Variants in AMT observed in about 807,000 individuals in gnomAD.
AMT encodes the protein aminomethyltransferase, mitochondrial.
Under a neutral mutation model 39.5 loss-of-function variants are expected in AMT, and 24 were observed. The observed-to-expected ratio is 0.61, with a 90% CI of 0.44 to 0.86. The LOEUF (loss-of-function observed/expected upper bound fraction) is 0.86, where lower values mean the gene tolerates loss of function less well. AMT is among the 40% of genes least tolerant of loss of function. AMT has a pLI of 0.00. For missense variants in AMT, 501 were observed against 537.0 expected (o/e 0.93, Z 0.66); for synonymous variants, 210 against 212.1 (o/e 0.99, Z 0.09).
chr3:49,418,604 C>T (rs113970998), intron 7 of AMT: 224 of 284,144 alleles, frequency 7.9e-4, no homozygotes, highest in African/African-American at 4.9e-3. Flanking sequence ...CAGGTTCATG[C>T]CATTCTCCTG....
At chr3:49,419,524 A>G in intron 5 of AMT, 119 bp from the exon 6 acceptor site, 1 of 1,530,252 alleles carries the variant, frequency 6.5e-7, no homozygotes, top group Non-Finnish European at 9.0e-7. Context: ...AAGTGGGAGA[A>G]GATGCCCTTG....
rs1575309233 is a variant in AMT at position 49,422,213 on chromosome 3, A to T, written c.149T>A (p.Val50Glu). The change falls in exon 2 of 9, where the codon GTG (valine) becomes GAG (glutamate). Residue 50 changes from valine (V) to glutamate (E), a missense_variant. Transcript: ENST00000273588. ...TGGCAGACTCCAACCCGCAAACGCC[A>T]CCATTTTCCCGCCGTGGGCCAGGTG... is the stretch of plus-strand genomic sequence containing the variant. Reference protein sequence around the residue: ...DFHLAHGGKMVAFAGWSLPVQ... With the variant: ...DFHLAHGGKMEAFAGWSLPVQ... The T allele has an allele frequency of 6.2e-7, 1 of 1,613,802 alleles. No individual in the cohort carries two copies. The highest frequency in any genetic ancestry group is 1.7e-5 in the Admixed American group (1 of 60,000).
At position 49,420,226 on chromosome 3, in the gene AMT, A is replaced by G; in HGVS notation, c.456T>C (p.Asp152=). The G allele has an allele frequency of 1.2e-6, 2 of 1,614,140 alleles. No homozygotes were observed. Among genetic ancestry groups the G allele is most frequent in the African/African-American group, 1.3e-5 (1 of 75,042 alleles). The change falls in exon 4 of 9, where the codon GAT becomes GAC. Residue 152 remains aspartate (D), a synonymous_variant. Coordinates refer to ENST00000273588, the MANE Select transcript of AMT (RefSeq NM_000481.4). ...VVSNAGCWEK[D]LALMQDKVRE... ...GGGGGTATACCTGCATGAGGGCCAA[A>G]TCTTTCTCCCAGCAGCCAGCGTTGG...
chr3:49,418,668 A>AT lies in AMT; in HGVS notation c.877+302dup, dbSNP rs35024166. The AT allele has an allele frequency of 0.27, 82,477 of 309,762 alleles. 8,503 individuals carry two copies. The highest frequency in any genetic ancestry group is 0.3 in the Middle Eastern group (258 of 862). The allele number at this position is 309,762 out of a possible 1,614,324, so 19.2% of individuals were successfully genotyped here. Reference sequence around the variant, plus strand: ...AGGCGCCCGCCACAATGCCCAGCTAATTTTTTTTTTGTATTTTTAGTAGAG... The same window carrying AT: ...AGGCGCCCGCCACAATGCCCAGCTAATTTTTTTTTTTGTATTTTTAGTAGAG... On this transcript the variant is annotated intron_variant, in intron 7 of 8. Coordinates refer to ENST00000273588, the MANE Select transcript of AMT (RefSeq NM_000481.4).
rs1420039400 is a variant in AMT, at chr3:49,417,118, A to G, written c.*422T>C. The G allele has an allele frequency of 2.6e-6, 2 of 771,386 alleles. No individual in the cohort carries two copies. The highest frequency in any genetic ancestry group is 1.7e-5 in the African/African-American group (1 of 58,464). The allele number at this position is 771,386 out of a possible 1,614,324, so 47.8% of individuals were successfully genotyped here. On this transcript the variant is annotated 3_prime_UTR_variant, in exon 9 of 9. Coordinates refer to ENST00000273588, the MANE Select transcript of AMT (RefSeq NM_000481.4). ...GAAAGCAAACTGGAGGGGGTAGCCT[A>G]AGTCCGCACTGCCCATGTTATTACC...
chr3:49,418,877 C>CTACA, intron 7 of AMT, 94 bp downstream of exon 7: 1 of 1,387,050 alleles, frequency 7.2e-7, no homozygotes, highest in Admixed American at 1.7e-5. Context: ...AGGCTTCAGG[C>CTACA]TACATAACCT....
chr3:49,421,415 A>C, intron 3 of AMT, 77 bp downstream of exon 3: 2 of 1,173,264 alleles, frequency 1.7e-6, no homozygotes, highest in Non-Finnish European at 1.3e-6. Flanking sequence ...CTGTGCCCCT[A>C]AGCCTGAGGT....
In AMT at chr3:49,417,460, G is replaced by C. The variant is rs2049017633; in HGVS notation, c.*80C>G. ...CCTCCACCTTAACTGCCCACCCCCA[G>C]TGAGTTCTGCCTCAGCTTCTTGACT... On this transcript the variant is annotated 3_prime_UTR_variant, in exon 9 of 9. Transcript: ENST00000273588. The C allele has an allele frequency of 6.2e-7, 1 of 1,613,724 alleles. No individual in the cohort carries two copies. Among genetic ancestry groups the C allele is most frequent in the African/African-American group, 1.3e-5 (1 of 74,914 alleles).
rs386833682 is a variant in AMT at position 49,420,248 on chromosome 3, T to C, written c.434A>G (p.Asn145Ser). Residue 145 changes from asparagine to serine, a missense_variant, in exon 4 of 9, where the codon AAC (asparagine) becomes AGC (serine). Transcript: ENST00000273588. ...TSEGHLYVVS[N>S]AGCWEKDLAL... Reference sequence around the variant, plus strand: ...CAAATCTTTCTCCCAGCAGCCAGCGTTGGACACCACATACAGGTGGCCCTC... The same window carrying C: ...CAAATCTTTCTCCCAGCAGCCAGCGCTGGACACCACATACAGGTGGCCCTC... The C allele has an allele frequency of 2.7e-5, 44 of 1,614,096 alleles. No individual in the cohort carries two copies. The highest frequency in any genetic ancestry group is 3.6e-5 in the Non-Finnish European group (43 of 1,180,048).
rs2049077607 is a variant in AMT, at chr3:49,420,301, T to C, written c.381A>G (p.Leu127=). 6.2e-7 allele frequency: 1 copy of C among 1,614,098 alleles called. No individual in the cohort carries two copies. The highest frequency in any genetic ancestry group is 1.1e-5 in the South Asian group (1 of 91,086). Residue 127 remains leucine, a synonymous_variant, in exon 4 of 9, where the codon TTA becomes TTG. Transcript: ENST00000273588. Reference sequence around the variant, plus strand: ...AAGTATTGGTTACAATCAAGTCATCTAAGATGCCTCCAGCCTCGTTGGTAA... The same window carrying C: ...AAGTATTGGTTACAATCAAGTCATCCAAGATGCCTCCAGCCTCGTTGGTAA... The part of the protein sequence containing the change: ...SLFTNEAGGI[L]DDLIVTNTSE...
At chr3:49,418,642 C>T in intron 7 of AMT, 1 of 337,664 alleles carries the variant, frequency 3.0e-6, no homozygotes, top group East Asian at 7.6e-5. Context: ...GCTGGGACTA[C>T]AGGCGCCCGC....
rs141306451 is a variant in AMT at position 49,421,629 on chromosome 3, C to G, written c.259-57G>C. On this transcript the variant is annotated intron_variant, in intron 2 of 8. Transcript: ENST00000273588. ...GCAACAGCTACAATCCAAAAGGCTACTAAGCAAGGATGCATCCTCCCTGCC... is the reference window on the plus strand; with the variant it reads ...GCAACAGCTACAATCCAAAAGGCTAGTAAGCAAGGATGCATCCTCCCTGCC... 23 of 1,502,828 alleles carry G rather than the reference C, an allele frequency of 1.5e-5. No homozygotes were observed. The East Asian group carries it at 4.1e-4, about 27-fold the overall frequency. 93.1% of individuals were successfully genotyped at this position (1,502,828 alleles called of 1,614,324 possible).
At position 49,418,961 on chromosome 3, in the gene AMT, C is replaced by T. The variant is rs1292050339; in HGVS notation, c.877+10G>A. The T allele has an allele frequency of 2.5e-6, 4 of 1,613,608 alleles. No homozygotes were observed. The highest frequency in any genetic ancestry group is 1.6e-4 in the Middle Eastern group (1 of 6,078). On this transcript the variant is annotated intron_variant, in intron 7 of 8. Coordinates refer to ENST00000273588, the MANE Select transcript of AMT (RefSeq NM_000481.4). ...CCAGGACCCTATCCTTTAGTGCTGG[C>T]CCAGCTCACCCAGTGTCCAACTGAG...
intron 7 of AMT, 127 bp from the exon 8 acceptor site, chr3:49,418,100 C>G: frequency 1.6e-6 from 2 of 1,239,832 alleles, no homozygotes; most frequent in South Asian, 2.6e-5. Flanking sequence ...ACTCCAGGCT[C>G]TATTCCTCCC....
rs764032357 is a variant in AMT at position 49,422,438 on chromosome 3, C to A, written c.13G>T (p.Val5Leu). The change falls in exon 1 of 9, where the codon GTA becomes TTA. Residue 5 changes from valine (V) to leucine (L), a missense_variant. Physicochemically the swap from Val to Leu is conservative, Grantham distance 32. Transcript: ENST00000273588. Reference protein sequence around the residue: MQRAVSVVARLGFRL... With the variant: MQRALSVVARLGFRL... Reference sequence around the variant, plus strand: ...AAGCCCAGACGGGCCACCACACTTACAGCCCTCTGCATCGTCGCCTGCAAC... The same window carrying A: ...AAGCCCAGACGGGCCACCACACTTAAAGCCCTCTGCATCGTCGCCTGCAAC... The A allele has an allele frequency of 6.2e-6, 10 of 1,613,228 alleles. No individual in the cohort carries two copies. The highest frequency in any genetic ancestry group is 7.6e-6 in the Non-Finnish European group (9 of 1,179,960).
chr3:49,422,105 T>C lies in AMT; in HGVS notation c.257A>G (p.Gln86Arg), dbSNP rs749494017. The C allele has an allele frequency of 2.5e-6, 4 of 1,613,564 alleles. No homozygotes were observed. Among genetic ancestry groups the C allele is most frequent in the Non-Finnish European group, 2.5e-6 (3 of 1,180,032 alleles). Residue 86 changes from glutamine (Q) to arginine (R), a missense_variant and splice_region_variant, in exon 2 of 9, where the codon CAG (glutamine) becomes CGG (arginine). Physicochemically the swap from Gln to Arg is conservative, Grantham distance 43. Coordinates refer to ENST00000273588, the MANE Select transcript of AMT (RefSeq NM_000481.4). Reference protein sequence around the residue: ...CSLFDVSHMLQTKILGSDRVK... With the variant: ...CSLFDVSHMLRTKILGSDRVK... ...GGCCAGTGTGCTCCCCTGGCTCACC[T>C]GCAGCATATGAGACACGTCAAAGAG...
At chr3:49,419,199 C>A (rs372864975) in intron 6 of AMT, 48 bp from the exon 7 acceptor site, 4 of 1,613,628 alleles carry the variant, frequency 2.5e-6, no homozygotes, top group South Asian at 1.1e-5. Flanking sequence ...GTACCACATA[C>A]CCCCAACCCC....
In AMT at chr3:49,417,353, G is replaced by A. The variant is rs2049015762; in HGVS notation, c.*187C>T. 6.3e-7 allele frequency: 1 copy of A among 1,597,022 alleles called. No homozygotes were observed. Among genetic ancestry groups the A allele is most frequent in the Non-Finnish European group, 8.5e-7 (1 of 1,176,252 alleles). ...TGAGCTGGTCCGTCACTCAGAAGCA[G>A]GGTCCTGAAGGAAGCTGGAATGGCA... On this transcript the variant is annotated 3_prime_UTR_variant, in exon 9 of 9. Coordinates refer to ENST00000273588, the MANE Select transcript of AMT (RefSeq NM_000481.4).
At chr3:49,418,494 C>CTTTTGTTTTTTTTT in intron 7 of AMT, 1 of 63,340 alleles carries the variant, frequency 1.6e-5, no homozygotes, top group Non-Finnish European at 2.7e-5. Flanking sequence ...TCTTCAGTTT[C>CTTTTGTTTTTTTTT]TTTTTTTTTT....
Sources: gnomAD v4.1 joint callset for allele counts on GRCh38, gnomAD v4.1.1 for gene constraint, MANE v1.5 for transcripts, NCBI Gene and HGNC (gene_info 2026-07-23, HGNC 2026-07-21) for gene names.